The following NEMP2 variants were observed in gnomAD, a reference collection of about 807,000 sequenced individuals.
NEMP2 encodes the protein UPF0571 transmembrane protein.
Under a neutral mutation model 54.2 loss-of-function variants are expected in NEMP2, and 53 were observed. The ratio of observed to expected loss-of-function variants is 0.98; its 90% CI spans 0.78 to 1.23. The LOEUF is 1.23. NEMP2 is among the 50% of genes most tolerant of loss of function. The probability of loss-of-function intolerance (pLI) is 0.00; values close to 1 mark genes in which losing one functional copy is unlikely to be tolerated. For synonymous variants in NEMP2, 197 were observed against 190.3 expected (o/e 1.04, Z -0.29); for missense variants, 455 against 511.3 (o/e 0.89, Z 1.06).
At chr2:190,557,369 A>C in the NEMP2 span, among the ~76,000 whole-genome samples, 2 of 152,232 alleles carry the variant, frequency 1.3e-5, no homozygotes, top group Non-Finnish European at 2.9e-5. Flanking sequence ...AGCCATAAAA[A>C]CCCTAGAAGA....
At chr2:190,435,992 TC>T in the NEMP2 span, 2 of 1,569,646 alleles carry the variant, frequency 1.3e-6, no homozygotes, top group Admixed American at 1.9e-5. Context: ...CAGTACAAAT[TC>T]TGAAGTTTGT....
the NEMP2 span, among the ~76,000 whole-genome samples, chr2:190,440,620 C>A: frequency 1.3e-5 from 2 of 152,260 alleles, no homozygotes; most frequent in South Asian, 4.1e-4. Context: ...TCATTACTTT[C>A]CAATGTTAGG....
the NEMP2 span, among the ~76,000 whole-genome samples, chr2:190,486,923 T>A: frequency 6.6e-6 from 1 of 152,240 alleles, no homozygotes; most frequent in Non-Finnish European, 1.5e-5. Context: ...AGTTACTACA[T>A]AATAAGATAA....
the NEMP2 span, among the ~76,000 whole-genome samples, chr2:190,471,731 C>G: frequency 1.3e-5 from 2 of 152,332 alleles, no homozygotes; most frequent in African/African-American, 4.8e-5. This position sits in a 1 kb window ranked among gnomAD's most constrained non-coding sequence, Gnocchi z 4.7. Flanking sequence ...TGTCTGACAG[C>G]TTTGAAGACA....
At chr2:190,578,510 T>TTAAAA in the NEMP2 span, among the ~76,000 whole-genome samples, 2 of 152,094 alleles carry the variant, frequency 1.3e-5, no homozygotes, top group African/African-American at 2.4e-5. This position sits in a 1 kb window ranked among gnomAD's most constrained non-coding sequence, Gnocchi z 4.4. Context: ...TGAAGGAATA[T>TTAAAA]TAAAATAAAA....
At chr2:190,493,510 C>T in the NEMP2 span, among the ~76,000 whole-genome samples, 4 of 152,158 alleles carry the variant, frequency 2.6e-5, no homozygotes, top group Non-Finnish European at 5.9e-5. Flanking sequence ...TGGATTTAAA[C>T]TATACCCTGG....
chr2:190,620,874 T>A, the NEMP2 span, among the ~76,000 whole-genome samples: 2 of 152,168 alleles, frequency 1.3e-5, no homozygotes, highest in East Asian at 1.9e-4. The surrounding 1 kb of genome is among the most constrained non-coding windows in gnomAD (Gnocchi z 4.9). Context: ...TCCTAAGGAA[T>A]CTATTAAAAA....
the NEMP2 span, among the ~76,000 whole-genome samples, chr2:190,598,104 T>C: frequency 2.0e-5 from 3 of 152,176 alleles, no homozygotes; most frequent in Non-Finnish European, 4.4e-5. Context: ...ACCAACTAGA[T>C]GCCGGTAGCA....
At chr2:190,575,204 C>A in the NEMP2 span, among the ~76,000 whole-genome samples, 59 of 152,176 alleles carry the variant, frequency 3.9e-4, no homozygotes, top group African/African-American at 1.4e-3. Flanking sequence ...TTCCCACCAT[C>A]CCCAACAAGT....
chr2:190,445,691 C>A, the NEMP2 span, among the ~76,000 whole-genome samples: 3 of 152,108 alleles, frequency 2.0e-5, no homozygotes, highest in Non-Finnish European at 4.4e-5. Flanking sequence ...TCTTTTTCCT[C>A]TCCTGGTACC....
the NEMP2 span, among the ~76,000 whole-genome samples, chr2:190,425,449 T>C: frequency 1.3e-5 from 2 of 152,216 alleles, no homozygotes; most frequent in Non-Finnish European, 2.9e-5. This position sits in a 1 kb window ranked among gnomAD's most constrained non-coding sequence, Gnocchi z 4.3. Context: ...CACCATTAAG[T>C]GCAGTGTTAC....
At position 190,509,237 on chromosome 2, in the gene NEMP2, A is replaced by G. The variant is rs1169440472; in HGVS notation, c.1206T>C (p.Leu402=). 6.4e-7 allele frequency: 1 copy of G among 1,551,604 alleles called. No homozygotes were observed. The highest frequency in any genetic ancestry group is 1.4e-5 in the African/African-American group (1 of 73,044). The change falls in exon 9 of 9, where the codon CTT becomes CTC. Residue 402 remains leucine (L), a synonymous_variant. Coordinates refer to ENST00000409150, the MANE Select transcript of NEMP2 (RefSeq NM_001142645.2). This position sits in a 1 kb window ranked among gnomAD's most constrained non-coding sequence, Gnocchi z 6.1. The part of the protein sequence containing the change: ...EISLHEEQYG[L]GGAFLEEQLF... ...GCTGCTCTTCCAAGAAGGCACCCCC[A>G]AGGCCATACTGCTCTTCATGCAGAC...
chr2:190,630,406 C>A, the NEMP2 span, among the ~76,000 whole-genome samples: 1 of 151,944 alleles, frequency 6.6e-6, no homozygotes, highest in African/African-American at 2.4e-5. The surrounding 1 kb of genome is among the most constrained non-coding windows in gnomAD (Gnocchi z 5.5). Context: ...TTAGTAGAGA[C>A]GGGGTTTCAC....
chr2:190,524,784 C>G (rs1336731504), intron 2 of NEMP2, among the ~76,000 whole-genome samples: 2 of 152,122 alleles, frequency 1.3e-5, no homozygotes, highest in Non-Finnish European at 2.9e-5. Context: ...CTGATGTATC[C>G]TAGGAGCCTA....
chr2:190,461,636 G>T, the NEMP2 span, among the ~76,000 whole-genome samples: 1 of 152,106 alleles, frequency 6.6e-6, no homozygotes, highest in African/African-American at 2.4e-5. The surrounding 1 kb of genome is among the most constrained non-coding windows in gnomAD (Gnocchi z 5.5). Flanking sequence ...TGAATGCTGT[G>T]TTCTCTCATG....
chr2:190,490,336 G>C, the NEMP2 span, among the ~76,000 whole-genome samples: 1 of 151,942 alleles, frequency 6.6e-6, no homozygotes, highest in East Asian at 1.9e-4. The surrounding 1 kb of genome is among the most constrained non-coding windows in gnomAD (Gnocchi z 4.5). Context: ...GGCCGAGGCG[G>C]GTGGATCACG....
At position 190,516,391 on chromosome 2, in the gene NEMP2, G is replaced by A. The variant is rs1030610554; in HGVS notation, c.613-7C>T. ...GAGCCCAAAAGGTGCTATACTGTGTGTGGAAGAAAATAAATGACACATTTT... is the reference window on the plus strand; with the variant it reads ...GAGCCCAAAAGGTGCTATACTGTGTATGGAAGAAAATAAATGACACATTTT... On this transcript the variant is annotated splice_region_variant and splice_polypyrimidine_tract_variant and intron_variant, in intron 5 of 8. Coordinates refer to ENST00000409150, the MANE Select transcript of NEMP2 (RefSeq NM_001142645.2). 8.5e-6 allele frequency: 13 copies of A among 1,529,138 alleles called. No homozygotes were observed. The highest frequency in any genetic ancestry group is 2.5e-5 in the East Asian group (1 of 40,816). 94.7% of individuals were successfully genotyped at this position (1,529,138 alleles called of 1,614,324 possible).
At chr2:190,453,530 C>T in the NEMP2 span, among the ~76,000 whole-genome samples, 7 of 152,306 alleles carry the variant, frequency 4.6e-5, no homozygotes, top group East Asian at 9.6e-4. Context: ...AGGAACATGC[C>T]GTTATCAGTG....
At chr2:190,573,322 C>T in the NEMP2 span, among the ~76,000 whole-genome samples, 13 of 152,248 alleles carry the variant, frequency 8.5e-5, no homozygotes, top group East Asian at 5.8e-4. Flanking sequence ...CTTCTATGCA[C>T]GTTAAAAATG....
Sources: gnomAD v4.1 joint callset for allele counts (sites outside exome capture counted in the v4.1 genomes callset) on GRCh38, gnomAD v4.1.1 for gene constraint, Gnocchi (gnomAD v3.1) non-coding constraint, MANE v1.5 for transcripts, NCBI Gene and HGNC (gene_info 2026-07-23, HGNC 2026-07-21) for gene names.